The following MAK variants were observed in gnomAD, a reference collection of about 807,000 sequenced individuals.
MAK encodes the protein male germ cell associated kinase, also known as serine/threonine-protein kinase MAK.
In MAK, 65 loss-of-function variants were observed where a neutral mutation model predicts 82.6. The observed-to-expected ratio is 0.79, with a 90% CI of 0.64 to 0.97. The LOEUF (loss-of-function observed/expected upper bound fraction) is 0.97, where lower values mean the gene tolerates loss of function less well. MAK is among the 50% of genes least tolerant of loss of function. The probability of loss-of-function intolerance (pLI) is 0.00; values close to 1 mark genes in which losing one functional copy is unlikely to be tolerated. For synonymous variants in MAK, 250 were observed against 274.2 expected, an observed-to-expected ratio of 0.91 and a Z score of 0.87; for missense variants, 703 against 780.2, an observed-to-expected ratio of 0.90 and a Z score of 1.18.
intron 1 of MAK, among the ~76,000 whole-genome samples, chr6:10,834,684 A>C (rs1233222705): frequency 6.6e-6 from 1 of 152,208 alleles, no homozygotes; most frequent in African/African-American, 2.4e-5. Context: ...CATTCAGACC[A>C]GTGAAAAATA....
At chr6:10,821,127 T>G (rs184435992) in intron 2 of MAK, among the ~76,000 whole-genome samples, 72 of 152,086 alleles carry the variant, frequency 4.7e-4, no homozygotes, top group Admixed American at 3.9e-3. Flanking sequence ...TCTTGTATTT[T>G]TTGTAGAGAT....
rs4712966 is a variant in MAK at position 10,801,868 on chromosome 6, G to A, written c.831+24C>T. On this transcript the variant is annotated intron_variant, in intron 8 of 14. Transcript: ENST00000354489. The stretch of plus-strand genomic sequence containing the variant: ...TTACAAAACCTAAACATTTTTAAAG[G>A]TCTAACAGGAAGACTCCTCTTACCT... The A allele has an allele frequency of 0.55, 892,246 of 1,607,790 alleles. 255,480 individuals are homozygous for A. The highest frequency in any genetic ancestry group is 0.59 in the Non-Finnish European group (693,610 of 1,174,348).
At chr6:10,772,726 A>T (rs1175247543) in intron 13 of MAK, among the ~76,000 whole-genome samples, 1 of 152,196 alleles carries the variant, frequency 6.6e-6, no homozygotes, top group African/African-American at 2.4e-5. Context: ...TATAGATCGC[A>T]AAATTAGAAA....
chr6:10,836,193 G>C (rs536271910), intron 1 of MAK, among the ~76,000 whole-genome samples: 2 of 152,314 alleles, frequency 1.3e-5, no homozygotes, highest in East Asian at 3.9e-4. Flanking sequence ...GTGGAGTGTT[G>C]AGGATTACGG....
At chr6:10,806,116 CTT>C (rs887521697) in intron 6 of MAK, among the ~76,000 whole-genome samples, 5 of 151,666 alleles carry the variant, frequency 3.3e-5, no homozygotes, top group African/African-American at 7.3e-5. Flanking sequence ...GCTTCCTCCT[CTT>C]GTTTGTTCCC....
chr6:10,817,868 TAG>T lies in MAK; in HGVS notation c.258_259del (p.Tyr87SerfsTer12), dbSNP rs757392221. The T allele has an allele frequency of 6.8e-7, 1 of 1,475,718 alleles. No homozygotes were observed. Among genetic ancestry groups the T allele is most frequent in the Non-Finnish European group, 9.3e-7 (1 of 1,069,704 alleles). The allele number at this position is 1,475,718 out of a possible 1,614,324, so 91.4% of individuals were successfully genotyped here. ...AACATACCTGTCTTTCATTAATTGA[TAG>T]AGGTTTTCTTTCATATATTCAAATA... On this transcript the variant is annotated frameshift_variant, in exon 4 of 15. Coordinates refer to ENST00000354489, the MANE Select transcript of MAK (RefSeq NM_001242957.3). LOFTEE classifies it high-confidence loss of function.
chr6:10,790,249 G>A (rs1472756311), intron 10 of MAK, among the ~76,000 whole-genome samples: 1 of 152,042 alleles, frequency 6.6e-6, no homozygotes, highest in Non-Finnish European at 1.5e-5. Context: ...TTGCATAAGA[G>A]TTATCCAAGC....
intron 10 of MAK, among the ~76,000 whole-genome samples, chr6:10,787,729 T>C (rs943008601): frequency 1.3e-5 from 2 of 151,058 alleles, no homozygotes; most frequent in Non-Finnish European, 2.9e-5. Flanking sequence ...AGTGTGGTGG[T>C]GGGCACCTGC....
intron 8 of MAK, among the ~76,000 whole-genome samples, chr6:10,799,366 T>C (rs1055983633): frequency 1.8e-4 from 27 of 152,356 alleles, no homozygotes; most frequent in African/African-American, 4.8e-4. Flanking sequence ...TTTCCTGTGT[T>C]TCTTTTTCAT....
chr6:10,818,785 T>C (rs944055162), intron 3 of MAK, 101 bp downstream of exon 3: 7 of 727,498 alleles, frequency 9.6e-6, no homozygotes, highest in Non-Finnish European at 1.7e-5. Flanking sequence ...ACAAACAAAA[T>C]TATCTTCAGA....
intron 2 of MAK, chr6:10,827,580 A>G (rs1487184416): frequency 1.3e-5 from 2 of 152,164 alleles, no homozygotes; most frequent in African/African-American, 2.4e-5. Context: ...CATTAATATG[A>G]ATTATATAGG....
At position 10,800,393 on chromosome 6, in the gene MAK, T is replaced by G. The variant is rs1775924875; in HGVS notation, c.831+1499A>C. The stretch of plus-strand genomic sequence containing the variant: ...TTAAGATTTTTACATAGAGAAAAAT[T>G]TTACTTTTTATGTAATCAAATTGTT... On this transcript the variant is annotated intron_variant, in intron 8 of 14. Coordinates refer to ENST00000354489, the MANE Select transcript of MAK (RefSeq NM_001242957.3). The surrounding 1 kb of genome is among the most constrained non-coding windows in gnomAD (Gnocchi z 4.2). 6.6e-6 allele frequency among the ~76,000 whole-genome samples: 1 copy of G among 152,220 alleles called. No individual in the cohort carries two copies. Among genetic ancestry groups the G allele is most frequent in the South Asian group, 2.1e-4 (1 of 4,834 alleles).
chr6:10,810,345 C>CTTTTTTTTTTTTTTTTTTT (rs111859354), intron 5 of MAK, among the ~76,000 whole-genome samples: 1 of 121,666 alleles, frequency 8.2e-6, no homozygotes, highest in African/African-American at 3.1e-5. Flanking sequence ...TTATCTTTTT[C>CTTTTTTTTTTTTTTTTTTT]TTTTTTTTTT....
intron 5 of MAK, among the ~76,000 whole-genome samples, chr6:10,813,159 TTTTTTTTG>T (rs1777190037): frequency 1.6e-5 from 1 of 64,210 alleles, no homozygotes; most frequent in African/African-American, 7.3e-5. Flanking sequence ...TTTTTTTTTT[TTTTTTTTG>T]AGATGGAGTC....
At chr6:10,774,919 G>A (rs966356932) in intron 12 of MAK, among the ~76,000 whole-genome samples, 3 of 152,240 alleles carry the variant, frequency 2.0e-5, no homozygotes, top group Non-Finnish European at 4.4e-5. Flanking sequence ...AGATTCAGAT[G>A]GAGGTCGAGA....
chr6:10,837,194 A>AATT (rs1260675467), intron 1 of MAK, among the ~76,000 whole-genome samples: 2 of 152,250 alleles, frequency 1.3e-5, no homozygotes, highest in African/African-American at 2.4e-5. Flanking sequence ...ACAAAAGAGT[A>AATT]ATTAACGTTT....
At position 10,795,979 on chromosome 6, in the gene MAK, G is replaced by T; in HGVS notation, c.1143+19C>A. The T allele has an allele frequency of 3.1e-6, 5 of 1,611,616 alleles. No individual in the cohort carries two copies. The highest frequency in any genetic ancestry group is 4.2e-6 in the Non-Finnish European group (5 of 1,177,736). On this transcript the variant is annotated intron_variant, in intron 9 of 14. Coordinates refer to ENST00000354489, the MANE Select transcript of MAK (RefSeq NM_001242957.3). ...CGAGTCAAACTATTTCATTGCAAGTGTCATGACTGGCTACTCACAGTTGGC... is the reference window on the plus strand; with the variant it reads ...CGAGTCAAACTATTTCATTGCAAGTTTCATGACTGGCTACTCACAGTTGGC...
intron 2 of MAK, among the ~76,000 whole-genome samples, chr6:10,826,972 G>A (rs1030861063): frequency 2.0e-5 from 3 of 152,090 alleles, no homozygotes; most frequent in East Asian, 3.9e-4. Flanking sequence ...TTAGCCAGGC[G>A]TGGTGGTACA....
At chr6:10,802,725 A>C (rs1246144765) in intron 7 of MAK, among the ~76,000 whole-genome samples, 1 of 152,222 alleles carries the variant, frequency 6.6e-6, no homozygotes, top group African/African-American at 2.4e-5. Context: ...CTGACTGTGA[A>C]CAAAGATCCT....
Sources: gnomAD v4.1 joint callset for allele counts (sites outside exome capture counted in the v4.1 genomes callset) on GRCh38, gnomAD v4.1.1 for gene constraint, Gnocchi (gnomAD v3.1) non-coding constraint, MANE v1.5 for transcripts, NCBI Gene and HGNC (gene_info 2026-07-23, HGNC 2026-07-21) for gene names.